Variants in KCNU1 observed in about 807,000 individuals in gnomAD.
KCNU1 encodes potassium channel subfamily U member 1.
Under a neutral mutation model 126.8 loss-of-function variants are expected in KCNU1, and 93 were observed. The observed-to-expected ratio is 0.73, with a 90% confidence interval of 0.62 to 0.87. The LOEUF (loss-of-function observed/expected upper bound fraction) is 0.87, where lower values mean the gene tolerates loss of function less well. Ranked by LOEUF, KCNU1 falls within the 40% of genes least tolerant of loss-of-function variation. KCNU1 has a pLI of 0.00. For missense variants in KCNU1, 1,330 were observed against 1,367.1 expected (o/e 0.97, Z 0.43); for synonymous variants, 523 against 494.2 (o/e 1.06, Z -0.77).
intron 19 of KCNU1, among the ~76,000 whole-genome samples, chr8:36,895,773 T>C (rs981540891): frequency 2.0e-5 from 3 of 152,150 alleles, no homozygotes; most frequent in African/African-American, 7.2e-5. Flanking sequence ...TTTCAAAGTT[T>C]ACTTAACAAT....
At chr8:36,905,226 C>T (rs1368140573) in intron 19 of KCNU1, among the ~76,000 whole-genome samples, 1 of 151,984 alleles carries the variant, frequency 6.6e-6, no homozygotes, top group Non-Finnish European at 1.5e-5. Context: ...AAAGTATTTA[C>T]TAAATCAGGA....
intron 18 of KCNU1, among the ~76,000 whole-genome samples, chr8:36,859,556 C>T (rs1381443938): frequency 3.9e-5 from 6 of 152,162 alleles, no homozygotes; most frequent in Non-Finnish European, 8.8e-5. Context: ...TAATCATCTC[C>T]AAAGAGGGGA....
intron 24 of KCNU1, among the ~76,000 whole-genome samples, chr8:36,925,835 A>T (rs1478399088): frequency 6.6e-6 from 1 of 152,092 alleles, no homozygotes. Flanking sequence ...TATTCTCCGT[A>T]TGTGCTGGAG....
At chr8:36,909,181 A>G (rs79723796) in intron 20 of KCNU1, 130 bp from the exon 21 acceptor site, 1 of 657,750 alleles carries the variant, frequency 1.5e-6, no homozygotes, top group African/African-American at 1.8e-5. Context: ...AATTTGCAAA[A>G]TTCTATTCAC....
chr8:36,787,393 C>A lies in KCNU1; in HGVS notation c.283C>A (p.Leu95Ile). 6.2e-7 allele frequency: 1 copy of A among 1,611,996 alleles called. No individual in the cohort carries two copies. The highest frequency in any genetic ancestry group is 1.1e-5 in the South Asian group (1 of 90,682). The change falls in exon 2 of 27, where the codon CTT (leucine) becomes ATT (isoleucine). Residue 95 changes from leucine (L) to isoleucine (I), a missense_variant. Around this residue, in one of 3 missense-constraint regions of KCNU1, gnomAD observed 247 missense variants for 255.4 expected, o/e 0.97. Transcript: ENST00000399881. ...ATTTCGTGATCATATAGAAATGTTGCTTTCAGCCCAGACCTTTGTGGGGCA... is the reference window on the plus strand; with the variant it reads ...ATTTCGTGATCATATAGAAATGTTGATTTCAGCCCAGACCTTTGTGGGGCA... ...GQFRDHIEML[L>I]SAQTFVGQVL...
intron 7 of KCNU1, among the ~76,000 whole-genome samples, chr8:36,813,094 C>T (rs1297004540): frequency 1.3e-5 from 2 of 152,124 alleles, no homozygotes; most frequent in African/African-American, 4.8e-5. Flanking sequence ...ACAGTGAAGA[C>T]TCCAGAAGTC....
intron 18 of KCNU1, among the ~76,000 whole-genome samples, chr8:36,849,298 C>T (rs926665403): frequency 6.6e-6 from 1 of 152,106 alleles, no homozygotes; most frequent in Non-Finnish European, 1.5e-5. Context: ...TGTATCAATA[C>T]CTCATTTCAG....
At chr8:36,866,140 T>C (rs1263656140) in intron 19 of KCNU1, among the ~76,000 whole-genome samples, 2 of 152,138 alleles carry the variant, frequency 1.3e-5, no homozygotes, top group Non-Finnish European at 2.9e-5. Context: ...TCAATTCTCA[T>C]AGCGAGGAAG....
At chr8:36,826,787 C>T (rs1021829586) in intron 10 of KCNU1, among the ~76,000 whole-genome samples, 2 of 152,044 alleles carry the variant, frequency 1.3e-5, no homozygotes, top group African/African-American at 2.4e-5. Context: ...AAACTTGTGT[C>T]ATGAGGGTTT....
At chr8:36,883,274 AC>A (rs1211625202) in intron 19 of KCNU1, among the ~76,000 whole-genome samples, 5 of 152,226 alleles carry the variant, frequency 3.3e-5, no homozygotes, top group African/African-American at 1.2e-4. Context: ...TAAAGAAGAG[AC>A]ACGTGGCACT....
intron 4 of KCNU1, among the ~76,000 whole-genome samples, chr8:36,805,519 T>C (rs919864150): frequency 6.6e-6 from 1 of 152,214 alleles, no homozygotes; most frequent in Admixed American, 6.5e-5. Flanking sequence ...TTTTGTTAAA[T>C]GCCATCATCG....
At chr8:36,853,125 G>T (rs866611763) in intron 18 of KCNU1, among the ~76,000 whole-genome samples, 1 of 152,128 alleles carries the variant, frequency 6.6e-6, no homozygotes, top group Non-Finnish European at 1.5e-5. Flanking sequence ...TGAGGTTGGC[G>T]TATCACCTGA....
chr8:36,862,784 T>G (rs1805777363), intron 18 of KCNU1, among the ~76,000 whole-genome samples: 1 of 152,120 alleles, frequency 6.6e-6, no homozygotes, highest in African/African-American at 2.4e-5. Flanking sequence ...AGAGTTAGGC[T>G]TTGAGAAAAG....
At chr8:36,876,566 G>T (rs1186152272) in intron 19 of KCNU1, among the ~76,000 whole-genome samples, 1 of 152,100 alleles carries the variant, frequency 6.6e-6, no homozygotes, top group African/African-American at 2.4e-5. Flanking sequence ...GTAGGGCAGG[G>T]TAGGCATTCC....
In KCNU1 at chr8:36,845,603, C is replaced by T. The variant is rs1805114226; in HGVS notation, c.1727C>T (p.Pro576Leu). The change falls in exon 17 of 27, where the codon CCA becomes CTA. Residue 576 changes from proline to leucine, a missense_variant. By Grantham distance (98) the Pro-to-Leu change is moderately conservative (BLOSUM62 -3). This residue lies in a region of KCNU1 where 1,054 missense variants were observed against 1,053.9 expected (regional missense o/e 1.00). Transcript: ENST00000399881. Reference sequence around the variant, plus strand: ...AGTGGTCTGATACTAAATCCACCTCCACAAGTGAGGATACGTAAGAACACA... The same window carrying T: ...AGTGGTCTGATACTAAATCCACCTCTACAAGTGAGGATACGTAAGAACACA... ...GFCGLILNPP[P>L]QVRIRKNTLG... 1.2e-6 allele frequency: 2 copies of T among 1,607,930 alleles called. No individual in the cohort carries two copies. The highest frequency in any genetic ancestry group is 1.7e-5 in the Admixed American group (1 of 59,964).
intron 5 of KCNU1, among the ~76,000 whole-genome samples, chr8:36,806,880 T>C (rs1803521497): frequency 6.6e-6 from 1 of 152,226 alleles, no homozygotes; most frequent in African/African-American, 2.4e-5. Flanking sequence ...AAAATAAATA[T>C]GAATTCCATT....
At chr8:36,786,629 G>C (rs1802719939) in intron 1 of KCNU1, among the ~76,000 whole-genome samples, 1 of 152,094 alleles carries the variant, frequency 6.6e-6, no homozygotes, top group Non-Finnish European at 1.5e-5. Flanking sequence ...AACAATGAAT[G>C]CCAGCTCAGG....
intron 23 of KCNU1, among the ~76,000 whole-genome samples, chr8:36,920,080 A>T (rs1221126989): frequency 6.6e-6 from 1 of 152,158 alleles, no homozygotes; most frequent in Non-Finnish European, 1.5e-5. Flanking sequence ...TGTCTGCTGC[A>T]GTTTTTAATT....
intron 14 of KCNU1, 143 bp downstream of exon 14, chr8:36,837,088 A>G: frequency 9.3e-6 from 7 of 751,012 alleles, no homozygotes; most frequent in Non-Finnish European, 1.5e-5. Context: ...AAGGGATTAG[A>G]AGATCTGAAT....
Sources: allele counts gnomAD v4.1 joint callset (sites outside exome capture counted in the v4.1 genomes callset), GRCh38; gene constraint gnomAD v4.1.1; regional missense constraint gnomAD v4.1.1; transcripts MANE v1.5; gene names NCBI Gene and HGNC (gene_info 2026-07-23, HGNC 2026-07-21).